Variants in SPAG16 observed in about 807,000 individuals in gnomAD.
SPAG16 encodes the protein sperm associated antigen 16, also known as sperm-associated antigen 16 protein.
In SPAG16, 86 loss-of-function variants were observed where a neutral mutation model predicts 80.4. The observed-to-expected ratio is 1.07, with a 90% CI of 0.90 to 1.28. The LOEUF (loss-of-function observed/expected upper bound fraction) is 1.28. Ranked by LOEUF, SPAG16 falls within the 50% of genes most tolerant of loss-of-function variation. The pLI, the probability that SPAG16 is intolerant of heterozygous loss-of-function variation, is 0.00. For missense variants in SPAG16, 870 were observed against 765.3 expected, an observed-to-expected ratio of 1.14 and a Z score of -1.61; for synonymous variants, 294 against 265.9, an observed-to-expected ratio of 1.11 and a Z score of -1.03.
intron 9 of SPAG16, among the ~76,000 whole-genome samples, chr2:213,418,787 A>G (rs2069414938): frequency 6.6e-6 from 1 of 152,200 alleles, no homozygotes; most frequent in Non-Finnish European, 1.5e-5. Flanking sequence ...ATCCCTACAT[A>G]GATTACATGG....
intron 10 of SPAG16, among the ~76,000 whole-genome samples, chr2:213,557,692 A>G (rs2059471304): frequency 6.6e-6 from 1 of 152,168 alleles, no homozygotes; most frequent in African/African-American, 2.4e-5. Context: ...GGCTCAAGCA[A>G]TCCTCCCACC....
intron 15 of SPAG16, among the ~76,000 whole-genome samples, chr2:214,344,161 G>A (rs1426025475): frequency 6.6e-6 from 1 of 152,154 alleles, no homozygotes; most frequent in Non-Finnish European, 1.5e-5. Context: ...GGAGGTATGT[G>A]TAGATGTTGT....
At chr2:213,736,002 A>G (rs2067265210) in intron 10 of SPAG16, among the ~76,000 whole-genome samples, 1 of 152,200 alleles carries the variant, frequency 6.6e-6, no homozygotes, top group Non-Finnish European at 1.5e-5. Context: ...ATTGATATTT[A>G]TGGAGATTAA....
intron 13 of SPAG16, among the ~76,000 whole-genome samples, chr2:214,020,798 A>G (rs1174956530): frequency 6.6e-6 from 1 of 152,222 alleles, no homozygotes; most frequent in Non-Finnish European, 1.5e-5. Context: ...CAAACTAATC[A>G]GAAGTTTTCA....
chr2:213,386,653 T>C (rs577263323), intron 9 of SPAG16, among the ~76,000 whole-genome samples: 1 of 152,344 alleles, frequency 6.6e-6, no homozygotes, highest in Admixed American at 6.5e-5. Context: ...TATAACATTA[T>C]AAATCACATT....
rs34266823 is a variant in SPAG16 at position 213,907,475 on chromosome 2, C to CAAA, written c.1215-22474_1215-22472dup. On this transcript the variant is annotated intron_variant, in intron 11 of 15. Transcript: ENST00000331683. ...TTTGGAAAACAGCGTGGAGGTTTCT[C>CAAA]AAAAAAAAAAAAATCTAAAAATAGA... 1.3e-3 allele frequency among the ~76,000 whole-genome samples: 193 copies of CAAA among 145,926 alleles called. 1 individual carries two copies. The highest frequency in any genetic ancestry group is 2.3e-3 in the African/African-American group (88 of 38,970).
intron 9 of SPAG16, among the ~76,000 whole-genome samples, chr2:213,412,097 TGATCACCTACTCCACCCTAACTCATTCC>T (rs2069004072): frequency 6.6e-6 from 1 of 152,094 alleles, no homozygotes; most frequent in African/African-American, 2.4e-5. Context: ...TGACTCATTC[TGATCACCTACTCCACCCTAACTCATTCC>T]GATCACCTGC....
intron 10 of SPAG16, among the ~76,000 whole-genome samples, chr2:213,663,250 A>G (rs2063487928): frequency 6.6e-6 from 1 of 152,080 alleles, no homozygotes; most frequent in South Asian, 2.1e-4. Flanking sequence ...GTACACCATG[A>G]CTATGGTTCC....
At chr2:214,093,874 C>A (rs2052397297) in intron 13 of SPAG16, among the ~76,000 whole-genome samples, 1 of 152,062 alleles carries the variant, frequency 6.6e-6, no homozygotes, top group African/African-American at 2.4e-5. Context: ...TGCCCTCTAT[C>A]CCATGACTTT....
At chr2:213,788,212 T>C (rs1559469573) in intron 10 of SPAG16, among the ~76,000 whole-genome samples, 1 of 151,884 alleles carries the variant, frequency 6.6e-6, no homozygotes, top group African/African-American at 2.4e-5. Flanking sequence ...AACTAAAAAT[T>C]AAGAGTTAAA....
chr2:214,386,116 T>G (rs574749286), intron 15 of SPAG16, among the ~76,000 whole-genome samples: 1 of 152,202 alleles, frequency 6.6e-6, no homozygotes, highest in Admixed American at 6.5e-5. Flanking sequence ...GGCTCATGCC[T>G]GCAATCCTAG....
Position 214,271,748 on chromosome 2 carries a change from C to T in SPAG16, c.1720+122482C>T, listed in dbSNP as rs569480753. Among the ~76,000 whole-genome samples the T allele has an allele frequency of 1.5e-4, 22 of 151,676 alleles. No individual in the cohort carries two copies. The East Asian group carries it at 4.1e-3, about 28-fold the overall frequency. ...CTGGGAGGCGGAGATTGCAGTGAGCCGACATTGTGCCACTGCACTCCAGCC... is the reference window on the plus strand; with the variant it reads ...CTGGGAGGCGGAGATTGCAGTGAGCTGACATTGTGCCACTGCACTCCAGCC... On this transcript the variant is annotated intron_variant, in intron 15 of 15. Coordinates refer to ENST00000331683, the MANE Select transcript of SPAG16 (RefSeq NM_024532.5).
At chr2:214,198,378 C>T (rs1260185656) in intron 15 of SPAG16, among the ~76,000 whole-genome samples, 2 of 152,056 alleles carry the variant, frequency 1.3e-5, no homozygotes, top group Non-Finnish European at 2.9e-5. Context: ...GAGTTAGTTA[C>T]TTCACTTAGA....
At chr2:213,871,873 CACACACAGAGAGAGAGAGAG>C (rs375083008) in intron 11 of SPAG16, among the ~76,000 whole-genome samples, 14 of 28,890 alleles carry the variant, frequency 4.8e-4, no homozygotes, top group African/African-American at 1.8e-4. Context: ...CACACACACA[CACACACAGAGAGAGAGAGAG>C]AGAGAGCAAA....
At chr2:213,927,082 G>T (rs1204283201) in intron 11 of SPAG16, among the ~76,000 whole-genome samples, 2 of 152,216 alleles carry the variant, frequency 1.3e-5, no homozygotes, top group Non-Finnish European at 2.9e-5. Flanking sequence ...GTAAATGGCT[G>T]CCTTCTTGCT....
chr2:214,074,917 G>T (rs1032710937), intron 13 of SPAG16, among the ~76,000 whole-genome samples: 1 of 152,062 alleles, frequency 6.6e-6, no homozygotes, highest in African/African-American at 2.4e-5. Context: ...AGTGGGAAAA[G>T]AATATTAATA....
rs145376455 is a variant in SPAG16 at position 214,403,732 on chromosome 2, T to C, written c.1721-6408T>C. Among the ~76,000 whole-genome samples, 128 of 152,344 alleles carry C rather than the reference T, an allele frequency of 8.4e-4. 1 individual carries two copies. The highest frequency in any genetic ancestry group is 2.9e-3 in the African/African-American group (121 of 41,582). On this transcript the variant is annotated intron_variant, in intron 15 of 15. Transcript: ENST00000331683. ...AAGCTGCTACTATTATCCACTGATA[T>C]TGATTATATCTTCCTTGCTCTGCTG...
intron 15 of SPAG16, among the ~76,000 whole-genome samples, chr2:214,377,794 C>T (rs767250682): frequency 3.3e-5 from 5 of 152,298 alleles, no homozygotes; most frequent in East Asian, 1.9e-4. Context: ...CTCTTAGGAA[C>T]GTAGCCATAC....
chr2:213,986,975 G>C (rs1188911990), intron 12 of SPAG16, among the ~76,000 whole-genome samples: 2 of 150,122 alleles, frequency 1.3e-5, no homozygotes, highest in African/African-American at 4.9e-5. Flanking sequence ...TGTTAAAAGA[G>C]GGAAAAAACA....
Sources: gnomAD v4.1 joint callset for allele counts (sites outside exome capture counted in the v4.1 genomes callset) on GRCh38, gnomAD v4.1.1 for gene constraint, MANE v1.5 for transcripts, NCBI Gene and HGNC (gene_info 2026-07-23, HGNC 2026-07-21) for gene names.